Variants in MAPK8 observed in about 807,000 individuals in gnomAD.
MAPK8 encodes JUN N-terminal kinase.
Under a neutral mutation model 52.9 loss-of-function variants are expected in MAPK8, and 13 were observed. The ratio of observed to expected loss-of-function variants is 0.25; its 90% confidence interval spans 0.16 to 0.39. MAPK8 has a LOEUF of 0.39. Among genes scored for constraint, MAPK8 ranks in the 10% least tolerant of loss-of-function variants. MAPK8 has a pLI of 1.00. For missense variants in MAPK8, 300 were observed against 519.2 expected (o/e 0.58, Z 4.10); for synonymous variants, 191 against 169.8 (o/e 1.12, Z -0.97).
intron 1 of MAPK8, among the ~76,000 whole-genome samples, chr10:48,326,489 C>T (rs1052110046): frequency 2.0e-5 from 3 of 152,096 alleles, no homozygotes; most frequent in African/African-American, 7.2e-5. Context: ...CTCTAAGGAG[C>T]ACTGTTTCCT....
chr10:48,358,313 C>T (rs1589057775), intron 1 of MAPK8, among the ~76,000 whole-genome samples: 1 of 152,314 alleles, frequency 6.6e-6, no homozygotes, highest in East Asian at 1.9e-4. Context: ...TTATCCACAT[C>T]GTGGTCAGAG....
chr10:48,425,944 A>G lies in MAPK8; in HGVS notation c.745A>G (p.Met249Val), dbSNP rs756073891. Residue 249 changes from methionine to valine, a missense_variant, in exon 8 of 12, where the codon ATG becomes GTG. By Grantham distance (21) the Met-to-Val change is conservative. Coordinates refer to ENST00000374189, the MANE Select transcript of MAPK8 (RefSeq NM_001323329.2). ...EQLGTPCPEFMKKLQPTVRTY... is the reference protein window; with the variant it reads ...EQLGTPCPEFVKKLQPTVRTY... ...GCTTGGAACACCATGTCCTGAATTC[A>G]TGAAGAAACTGCAACCAACAGTAAG... The G allele has an allele frequency of 1.6e-5, 26 of 1,612,606 alleles. No homozygotes were observed. The Admixed American group carries it at 4.3e-4, about 27-fold the overall frequency.
intron 1 of MAPK8, among the ~76,000 whole-genome samples, chr10:48,393,155 T>A (rs1312737253): frequency 6.6e-6 from 1 of 152,176 alleles, no homozygotes; most frequent in Non-Finnish European, 1.5e-5. Flanking sequence ...TACTCTTGAA[T>A]AACTTGTCTC....
At chr10:48,363,744 TC>T (rs1847779301) in intron 1 of MAPK8, among the ~76,000 whole-genome samples, 1 of 152,212 alleles carries the variant, frequency 6.6e-6, no homozygotes, top group South Asian at 2.1e-4. Flanking sequence ...CTCAGATTGA[TC>T]CTTGCTTGCT....
rs560906166 is a variant in MAPK8 at position 48,322,645 on chromosome 10, A to T, written c.-50+15824A>T. ...ATCAGCCCCACATGCCCCCACCCTC[A>T]CACTTTCTTGGGCCCTTAACTCCAA... On this transcript the variant is annotated intron_variant, in intron 1 of 11. Transcript: ENST00000374189. 1.3e-3 allele frequency among the ~76,000 whole-genome samples: 191 copies of T among 150,752 alleles called. 1 individual carries two copies. Among genetic ancestry groups the T allele is most frequent in the Admixed American group, 2.7e-3 (41 of 15,202 alleles).
At chr10:48,355,927 T>C (rs1846878864) in intron 1 of MAPK8, among the ~76,000 whole-genome samples, 6 of 152,152 alleles carry the variant, frequency 3.9e-5, no homozygotes, top group Admixed American at 2.0e-4. Flanking sequence ...CAGGGGAACA[T>C]TTTCTTAAAT....
chr10:48,345,945 A>G (rs72794355), intron 1 of MAPK8, among the ~76,000 whole-genome samples: 1 of 152,196 alleles, frequency 6.6e-6, no homozygotes, highest in African/African-American at 2.4e-5. Flanking sequence ...GCAAAGACCA[A>G]GTGAGGACCT....
intron 1 of MAPK8, among the ~76,000 whole-genome samples, chr10:48,335,092 CT>C (rs1167735483): frequency 6.6e-6 from 1 of 152,174 alleles, no homozygotes; most frequent in Non-Finnish European, 1.5e-5. Context: ...GGTGCATGAG[CT>C]GTGTGGTTTG....
At chr10:48,391,902 A>G (rs562420579) in intron 1 of MAPK8, among the ~76,000 whole-genome samples, 1 of 152,318 alleles carries the variant, frequency 6.6e-6, no homozygotes, top group East Asian at 1.9e-4. Flanking sequence ...AAGGATGCAG[A>G]TAATGAGATG....
intron 3 of MAPK8, among the ~76,000 whole-genome samples, chr10:48,405,735 A>G (rs956051700): frequency 1.3e-5 from 2 of 152,262 alleles, no homozygotes; most frequent in African/African-American, 4.8e-5. Flanking sequence ...AACCGAAGGC[A>G]TCTGACTAAA....
At chr10:48,317,176 A>G (rs772971965) in intron 1 of MAPK8, among the ~76,000 whole-genome samples, 3 of 151,980 alleles carry the variant, frequency 2.0e-5, no homozygotes, top group Non-Finnish European at 4.4e-5. Flanking sequence ...AAAACAATGA[A>G]TGATTTTTCT....
At chr10:48,347,504 C>T (rs878988732) in intron 1 of MAPK8, among the ~76,000 whole-genome samples, 15 of 152,234 alleles carry the variant, frequency 9.9e-5, no homozygotes, top group East Asian at 7.7e-4. Flanking sequence ...CCCATCATCC[C>T]GTCATCTACA....
chr10:48,329,003 T>C (rs1843824319), intron 1 of MAPK8, among the ~76,000 whole-genome samples: 1 of 152,218 alleles, frequency 6.6e-6, no homozygotes, highest in Non-Finnish European at 1.5e-5. Context: ...TTTCTTTTAC[T>C]TTTAACAAAT....
At chr10:48,332,015 G>A (rs1262950902) in intron 1 of MAPK8, among the ~76,000 whole-genome samples, 1 of 152,150 alleles carries the variant, frequency 6.6e-6, no homozygotes, top group Non-Finnish European at 1.5e-5. Context: ...CATCTAATTT[G>A]TAAACCTTCC....
chr10:48,376,168 G>C (rs887915249), intron 1 of MAPK8, among the ~76,000 whole-genome samples: 8 of 152,152 alleles, frequency 5.3e-5, no homozygotes, highest in African/African-American at 1.9e-4. Context: ...ATGGTGTTGG[G>C]AAAACTGGCT....
chr10:48,420,668 A>G (rs546429800), intron 6 of MAPK8, among the ~76,000 whole-genome samples: 1 of 152,280 alleles, frequency 6.6e-6, no homozygotes, highest in African/African-American at 2.4e-5. Context: ...ACAGTTTATT[A>G]TTAGTGTACA....
chr10:48,435,677 A>G lies in MAPK8; in HGVS notation c.*648A>G, dbSNP rs1187458449. ...GCAAAAGCCCCGTCATCTAAATGGCAGAATAACTCAGAGCATGTCTTTGAA... is the reference window on the plus strand; with the variant it reads ...GCAAAAGCCCCGTCATCTAAATGGCGGAATAACTCAGAGCATGTCTTTGAA... On this transcript the variant is annotated 3_prime_UTR_variant, in exon 12 of 12. Coordinates refer to ENST00000374189, the MANE Select transcript of MAPK8 (RefSeq NM_001323329.2). The G allele has an allele frequency of 6.6e-6, 1 of 152,250 alleles. No homozygotes were observed. Among genetic ancestry groups the G allele is most frequent in the East Asian group, 1.9e-4 (1 of 5,200 alleles). 9.4% of individuals were successfully genotyped at this position (152,250 alleles called of 1,614,324 possible).
intron 5 of MAPK8, among the ~76,000 whole-genome samples, chr10:48,417,160 A>T (rs935570508): frequency 5.3e-5 from 8 of 152,368 alleles, no homozygotes; most frequent in African/African-American, 1.9e-4. Context: ...CTGTGAATTG[A>T]GAACTCCTGT....
chr10:48,435,162 A>C lies in MAPK8; in HGVS notation c.*133A>C, dbSNP rs566975585. On this transcript the variant is annotated 3_prime_UTR_variant, in exon 12 of 12. Transcript: ENST00000374189. ...TGTAGAATTCATTTTGTAGTAAAGTAGTTTATTTTTTTTAATTTCAAGTGA... is the reference window on the plus strand; with the variant it reads ...TGTAGAATTCATTTTGTAGTAAAGTCGTTTATTTTTTTTAATTTCAAGTGA... The C allele has an allele frequency of 4.5e-6, 3 of 670,318 alleles. No homozygotes were observed. The South Asian group carries it at 9.8e-5, about 22-fold the overall frequency. 41.5% of individuals were successfully genotyped at this position (670,318 alleles called of 1,614,324 possible).
Sources: gnomAD v4.1 joint callset for allele counts (sites outside exome capture counted in the v4.1 genomes callset) on GRCh38, gnomAD v4.1.1 for gene constraint, MANE v1.5 for transcripts, NCBI Gene and HGNC (gene_info 2026-07-23, HGNC 2026-07-21) for gene names.